Variants in NBEAL1 observed in about 807,000 individuals in gnomAD.
NBEAL1 encodes neurobeachin-like protein 1.
In NBEAL1, 273 loss-of-function variants were observed where a neutral mutation model predicts 351.3. That is an observed-to-expected ratio of 0.78 (90% confidence interval 0.70 to 0.86). The LOEUF is 0.86. Ranked by LOEUF, NBEAL1 falls within the 40% of genes least tolerant of loss-of-function variation. The pLI, the probability that NBEAL1 is intolerant of heterozygous loss-of-function variation, is 0.00. For synonymous variants in NBEAL1, 1,050 were observed against 1,086.4 expected (o/e 0.97, Z 0.66); for missense variants, 2,961 against 3,201.3 (o/e 0.92, Z 1.81).
chr2:203,172,931 A>G, intron 41 of NBEAL1, 78 bp downstream of exon 41: 1 of 1,373,724 alleles, frequency 7.3e-7, no homozygotes. Flanking sequence ...TGGCCAACCA[A>G]AAAAATTTTT....
intron 6 of NBEAL1, among the ~76,000 whole-genome samples, chr2:203,058,475 G>C (rs947308241): frequency 4.6e-5 from 7 of 152,222 alleles, no homozygotes; most frequent in African/African-American, 1.7e-4. Context: ...AGAGAATGGA[G>C]TTATCAGAAT....
At chr2:203,116,244 C>T (rs979598987) in intron 18 of NBEAL1, among the ~76,000 whole-genome samples, 174 bp downstream of exon 18, 4 of 152,100 alleles carry the variant, frequency 2.6e-5, no homozygotes, top group Admixed American at 2.6e-4. Flanking sequence ...TAAGGTATAC[C>T]TCCTCCACGA....
At chr2:203,177,772 A>G (rs1022453661) in intron 42 of NBEAL1, among the ~76,000 whole-genome samples, 10 of 152,030 alleles carry the variant, frequency 6.6e-5, no homozygotes, top group Non-Finnish European at 1.5e-4. Flanking sequence ...TAATCCCAGC[A>G]CATTGGGAGG....
chr2:203,133,182 A>G (rs1021806523), intron 27 of NBEAL1, 36 bp downstream of exon 27: 20 of 908,430 alleles, frequency 2.2e-5, no homozygotes, highest in Non-Finnish European at 3.2e-5. Context: ...TAATGATAGC[A>G]GCATCACCAT....
chr2:203,083,270 G>A lies in NBEAL1; in HGVS notation c.736G>A (p.Val246Ile). ...AGCCACTATGGAAGTTCTTATGCGA[G>A]TATTGGCAGATTGTGATTCCTGGGA... Reference protein sequence around the residue: ...SPATMEVLMRVLADCDSWEDG... With the variant: ...SPATMEVLMRILADCDSWEDG... Residue 246 changes from valine to isoleucine, a missense_variant, in exon 9 of 56, where the codon GTA becomes ATA. Val to Ile is a conservative substitution (Grantham distance 29). Coordinates refer to ENST00000683969, the MANE Select transcript of NBEAL1 (RefSeq NM_001378026.1). 3 of 1,552,350 alleles carry A rather than the reference G, an allele frequency of 1.9e-6. No homozygotes were observed. Among genetic ancestry groups the A allele is most frequent in the South Asian group, 2.4e-5 (2 of 84,098 alleles).
At chr2:203,208,520 G>A in intron 51 of NBEAL1, 117 bp from the exon 52 acceptor site, 2 of 697,332 alleles carry the variant, frequency 2.9e-6, no homozygotes, top group Non-Finnish European at 5.1e-6. Flanking sequence ...TAGACTCAGT[G>A]GTTGTAACTA....
chr2:203,190,637 G>T, intron 46 of NBEAL1: 2 of 951,972 alleles, frequency 2.1e-6, no homozygotes, highest in Non-Finnish European at 3.1e-6. Context: ...GCTAACATCT[G>T]CCCAAAAAGG....
At position 203,145,052 on chromosome 2, in the gene NBEAL1, C is replaced by A; in HGVS notation, c.5196C>A (p.Tyr1732Ter). The A allele has an allele frequency of 6.2e-7, 1 of 1,609,786 alleles. No homozygotes were observed. The highest frequency in any genetic ancestry group is 8.5e-7 in the Non-Finnish European group (1 of 1,178,174). The stretch of plus-strand genomic sequence containing the variant: ...AGCAGTATGAAGCTCATACATTTTA[C>A]GATGGTCATGAGAACATGGCACTTT... ...YMKQYEAHTF[Y>*]DGHENMALYW... The change falls in exon 33 of 56, where the codon TAC becomes TAA. Residue 1732 changes from tyrosine (Y) to a stop codon, truncating the protein, a stop_gained. Coordinates refer to ENST00000683969, the MANE Select transcript of NBEAL1 (RefSeq NM_001378026.1). LOFTEE classifies it high-confidence loss of function.
chr2:203,191,207 T>C, intron 46 of NBEAL1: 3 of 1,559,994 alleles, frequency 1.9e-6, no homozygotes, highest in Admixed American at 1.7e-5. Context: ...GGCTGTAATG[T>C]TGATGGCCGC....
At chr2:203,094,439 A>T (rs2062134752) in intron 10 of NBEAL1, among the ~76,000 whole-genome samples, 1 of 152,200 alleles carries the variant, frequency 6.6e-6, no homozygotes, top group Non-Finnish European at 1.5e-5. Context: ...TTCTTTTTAT[A>T]TAGTAGTATA....
chr2:203,126,964 T>G, intron 23 of NBEAL1, 38 bp downstream of exon 23: 1 of 1,368,732 alleles, frequency 7.3e-7, no homozygotes, highest in East Asian at 2.5e-5. Context: ...TGATATATTA[T>G]TTTCTGTCTG....
chr2:203,171,104 A>G (rs1337844046), intron 39 of NBEAL1, among the ~76,000 whole-genome samples: 2 of 151,840 alleles, frequency 1.3e-5, no homozygotes, highest in African/African-American at 4.8e-5. Context: ...TAAAAATACA[A>G]AAAATTAGCT....
chr2:203,206,250 C>T (rs1028673136), intron 51 of NBEAL1, among the ~76,000 whole-genome samples: 4 of 152,198 alleles, frequency 2.6e-5, no homozygotes, highest in African/African-American at 9.6e-5. Flanking sequence ...TTACATACTC[C>T]ATAAATATAT....
At chr2:203,036,523 C>G (rs1290624023) in intron 2 of NBEAL1, among the ~76,000 whole-genome samples, 2 of 149,090 alleles carry the variant, frequency 1.3e-5, no homozygotes, top group East Asian at 3.9e-4. Context: ...AATTATACAT[C>G]TTTAGAACTT....
At position 203,151,451 on chromosome 2, in the gene NBEAL1, A is replaced by C; in HGVS notation, c.5463-14A>C. ...GCTAAATAATTTTACTTATTTGCTT[A>C]TGAATATTCTTAGGAAACAGAATCC... On this transcript the variant is annotated splice_polypyrimidine_tract_variant and intron_variant, in intron 34 of 55. Transcript: ENST00000683969. 6.4e-7 allele frequency: 1 copy of C among 1,554,700 alleles called. No individual in the cohort carries two copies. Among genetic ancestry groups the C allele is most frequent in the South Asian group, 1.2e-5 (1 of 82,492 alleles).
At chr2:203,076,445 C>T (rs1175922272) in intron 7 of NBEAL1, among the ~76,000 whole-genome samples, 1 of 148,828 alleles carries the variant, frequency 6.7e-6, no homozygotes, top group Non-Finnish European at 1.5e-5. Context: ...TGATTGCCCT[C>T]CAGCCTAGGC....
intron 47 of NBEAL1, among the ~76,000 whole-genome samples, chr2:203,195,749 G>A (rs895703519): frequency 6.6e-6 from 1 of 152,144 alleles, no homozygotes; most frequent in African/African-American, 2.4e-5. Flanking sequence ...AATGAAATGT[G>A]GAAACACATT....
chr2:203,213,841 G>A, intron 55 of NBEAL1, 188 bp downstream of exon 55: 1 of 958,692 alleles, frequency 1.0e-6, no homozygotes, highest in Non-Finnish European at 1.2e-6. Context: ...TGTTATTATT[G>A]AAAGCCCACC....
At chr2:203,137,406 C>T (rs946083840) in intron 29 of NBEAL1, among the ~76,000 whole-genome samples, 2 of 152,090 alleles carry the variant, frequency 1.3e-5, no homozygotes, top group African/African-American at 4.8e-5. Flanking sequence ...ATTGGACACC[C>T]CTGCTGTAGA....
Sources: gnomAD v4.1 joint callset for allele counts (sites outside exome capture counted in the v4.1 genomes callset) on GRCh38, gnomAD v4.1.1 for gene constraint, MANE v1.5 for transcripts, NCBI Gene and HGNC (gene_info 2026-07-23, HGNC 2026-07-21) for gene names.